The following KCNN2 variants were observed in gnomAD, a reference collection of about 807,000 sequenced individuals.
The protein encoded by KCNN2 is potassium calcium-activated channel subfamily N member 2.
KCNN2 carries 24 observed loss-of-function variants against 55.5 expected under a neutral mutation model. The observed-to-expected ratio is 0.43, with a 90% CI of 0.31 to 0.61. The LOEUF (loss-of-function observed/expected upper bound fraction) is 0.61, where lower values mean the gene tolerates loss of function less well. Ranked by LOEUF, KCNN2 falls within the 20% of genes least tolerant of loss-of-function variation. The pLI is 0.08. For synonymous variants in KCNN2, 431 were observed against 336.1 expected (o/e 1.28, Z -3.09); for missense variants, 754 against 853.6 (o/e 0.88, Z 1.45).
chr5:114,140,794 T>TTA (rs2112504417), intron 1 of KCNN2, among the ~76,000 whole-genome samples: 1 of 147,672 alleles, frequency 6.8e-6, no homozygotes, highest in East Asian at 2.0e-4. Flanking sequence ...ATTATTATTA[T>TTA]TATTATTATT....
chr5:114,331,758 C>A (rs988848755), intron 2 of KCNN2, among the ~76,000 whole-genome samples: 3 of 152,140 alleles, frequency 2.0e-5, no homozygotes, highest in Non-Finnish European at 4.4e-5. Flanking sequence ...ATAAATATAT[C>A]TGTAAGTAAC....
intron 1 of KCNN2, among the ~76,000 whole-genome samples, chr5:114,152,329 C>G (rs1752545028): frequency 6.6e-6 from 1 of 152,186 alleles, no homozygotes; most frequent in Admixed American, 6.5e-5. Context: ...TGTATTTTAT[C>G]TAACGTCATA....
At chr5:114,210,791 G>A (rs1037831528) in intron 1 of KCNN2, among the ~76,000 whole-genome samples, 1 of 152,146 alleles carries the variant, frequency 6.6e-6, no homozygotes, top group African/African-American at 2.4e-5. Context: ...TGTTTTATTA[G>A]TATATACTTG....
chr5:114,155,255 A>G (rs1752606755), intron 1 of KCNN2, among the ~76,000 whole-genome samples: 2 of 152,110 alleles, frequency 1.3e-5, no homozygotes, highest in African/African-American at 2.4e-5. Context: ...TCTATGGTGT[A>G]TATGTACCAC....
At chr5:114,323,649 A>AG (rs1404261239) in intron 2 of KCNN2, among the ~76,000 whole-genome samples, 1 of 85,318 alleles carries the variant, frequency 1.2e-5, no homozygotes, top group Non-Finnish European at 2.3e-5. Flanking sequence ...AAACATATCA[A>AG]TTTTTTTTTT....
intron 3 of KCNN2, among the ~76,000 whole-genome samples, chr5:114,406,875 G>T (rs939041868): frequency 6.6e-6 from 1 of 152,024 alleles, no homozygotes; most frequent in African/African-American, 2.4e-5. Context: ...AGATATTTTT[G>T]AGATCTTGCA....
chr5:114,248,713 T>G (rs1209573484), intron 2 of KCNN2, among the ~76,000 whole-genome samples: 2 of 152,236 alleles, frequency 1.3e-5, no homozygotes, highest in Non-Finnish European at 2.9e-5. Flanking sequence ...TAGTGATTTC[T>G]GACCATAGAG....
intron 2 of KCNN2, among the ~76,000 whole-genome samples, chr5:114,397,188 G>A (rs751515541): frequency 1.3e-5 from 2 of 152,102 alleles, no homozygotes. Flanking sequence ...GAACATACGC[G>A]TACGTGTATC....
intron 5 of KCNN2, among the ~76,000 whole-genome samples, chr5:114,477,959 A>G (rs1377778648): frequency 6.6e-6 from 1 of 152,206 alleles, no homozygotes; most frequent in Non-Finnish European, 1.5e-5. Flanking sequence ...CAGAAATTCT[A>G]AAGGATTTAT....
intron 2 of KCNN2, among the ~76,000 whole-genome samples, chr5:114,383,771 T>C (rs181312176): frequency 1.4e-4 from 21 of 152,284 alleles, no homozygotes; most frequent in African/African-American, 5.1e-4. Flanking sequence ...CCTGGCCCAC[T>C]TAATGCTTTT....
intron 2 of KCNN2, among the ~76,000 whole-genome samples, chr5:114,279,883 C>A (rs1271062409): frequency 2.0e-5 from 3 of 152,304 alleles, no homozygotes; most frequent in Non-Finnish European, 4.4e-5. Flanking sequence ...ATACTGTCTT[C>A]CACAATAGTT....
At chr5:114,289,821 G>A (rs1267551612) in intron 2 of KCNN2, among the ~76,000 whole-genome samples, 1 of 152,050 alleles carries the variant, frequency 6.6e-6, no homozygotes, top group East Asian at 1.9e-4. Context: ...ATTTATTTAG[G>A]TCTTTTAAAA....
At chr5:114,120,937 A>G (rs1438638611) in intron 1 of KCNN2, among the ~76,000 whole-genome samples, 1 of 152,204 alleles carries the variant, frequency 6.6e-6, no homozygotes, top group African/African-American at 2.4e-5. Context: ...AGGGAGCAGT[A>G]CTTCCCTTAG....
At chr5:114,412,626 A>T (rs1255794942) in intron 3 of KCNN2, among the ~76,000 whole-genome samples, 3 of 152,198 alleles carry the variant, frequency 2.0e-5, no homozygotes. Flanking sequence ...GGAGCCACAT[A>T]TTAGAGTGCT....
intron 1 of KCNN2, among the ~76,000 whole-genome samples, chr5:114,059,779 G>A (rs1030117264): frequency 6.6e-6 from 1 of 152,222 alleles, no homozygotes; most frequent in African/African-American, 2.4e-5. Context: ...ATGGCCAGGA[G>A]AGCCCCTGAA....
intron 1 of KCNN2, among the ~76,000 whole-genome samples, chr5:114,098,085 G>A (rs73782156): frequency 6.7e-4 from 102 of 152,174 alleles, no homozygotes; most frequent in African/African-American, 2.4e-3. Flanking sequence ...TCTAGAGGCT[G>A]TGCTCCTTCC....
chr5:114,390,114 A>G (rs543575757), intron 2 of KCNN2, among the ~76,000 whole-genome samples: 143 of 152,294 alleles, frequency 9.4e-4, no homozygotes, highest in Admixed American at 9.1e-3. Flanking sequence ...GGTGATGCTA[A>G]TACATTTTAG....
intron 2 of KCNN2, among the ~76,000 whole-genome samples, chr5:114,252,382 A>C (rs1194418298): frequency 1.3e-5 from 2 of 152,068 alleles, no homozygotes; most frequent in Non-Finnish European, 2.9e-5. Context: ...TTCCTTCTGC[A>C]TTTTTCCACA....
intron 3 of KCNN2, among the ~76,000 whole-genome samples, chr5:114,458,729 A>G (rs150350366): frequency 2.4e-4 from 36 of 152,322 alleles, no homozygotes; most frequent in Non-Finnish European, 4.3e-4. Flanking sequence ...TATCTACAAG[A>G]TGTTCCTGGG....
Sources: gnomAD v4.1 joint callset for allele counts (sites outside exome capture counted in the v4.1 genomes callset) on GRCh38, gnomAD v4.1.1 for gene constraint, MANE v1.5 for transcripts, NCBI Gene and HGNC (gene_info 2026-07-23, HGNC 2026-07-21) for gene names.